Variants in OXSR1 observed in about 807,000 individuals in gnomAD.
OXSR1 encodes serine/threonine-protein kinase OSR1.
A neutral mutation model predicts 79.8 loss-of-function variants in OXSR1; 24 were observed. The ratio of observed to expected loss-of-function variants is 0.30; its 90% confidence interval spans 0.22 to 0.42. The LOEUF (loss-of-function observed/expected upper bound fraction) is 0.42. Ranked by LOEUF, OXSR1 falls within the 10% of genes least tolerant of loss-of-function variation. The pLI, the probability that OXSR1 is intolerant of heterozygous loss-of-function variation, is 1.00. For missense variants in OXSR1, 430 were observed against 618.4 expected (o/e 0.70, Z 3.23); for synonymous variants, 226 against 209.2 (o/e 1.08, Z -0.69).
chr3:38,206,121 CAAG>C (rs1007778243), intron 4 of OXSR1, among the ~76,000 whole-genome samples: 3 of 152,020 alleles, frequency 2.0e-5, no homozygotes, highest in African/African-American at 7.2e-5. Flanking sequence ...AATTTTGACA[CAAG>C]AAACTTTGTA....
chr3:38,166,789 CAAAAAAAAA>C (rs915290107), intron 1 of OXSR1, among the ~76,000 whole-genome samples: 1 of 63,824 alleles, frequency 1.6e-5, no homozygotes, highest in Non-Finnish European at 3.1e-5. Context: ...GACTCTGACT[CAAAAAAAAA>C]AAAAAAAAAA....
chr3:38,248,507 A>G (rs1703191536), intron 14 of OXSR1, among the ~76,000 whole-genome samples: 1 of 152,138 alleles, frequency 6.6e-6, no homozygotes, highest in South Asian at 2.1e-4. Flanking sequence ...TTTTAAAACT[A>G]TTACTAACAT....
intron 2 of OXSR1, among the ~76,000 whole-genome samples, chr3:38,187,857 A>T (rs1171490185): frequency 6.6e-6 from 1 of 152,108 alleles, no homozygotes; most frequent in Admixed American, 6.6e-5. Flanking sequence ...AAGTGCTGGG[A>T]TTATAGGTGT....
chr3:38,177,065 A>G (rs547531128), intron 1 of OXSR1, among the ~76,000 whole-genome samples: 1 of 152,372 alleles, frequency 6.6e-6, no homozygotes, highest in South Asian at 2.1e-4. Flanking sequence ...ATTTGTAAAA[A>G]TATTGCAAAG....
At chr3:38,169,597 G>T (rs1408543244) in intron 1 of OXSR1, among the ~76,000 whole-genome samples, 1 of 151,752 alleles carries the variant, frequency 6.6e-6, no homozygotes, top group Non-Finnish European at 1.5e-5. Context: ...GAGCCACTGC[G>T]CCTGGCTGTT....
chr3:38,199,891 C>T (rs34581388), intron 4 of OXSR1, among the ~76,000 whole-genome samples: 13,019 of 152,196 alleles, frequency 0.086, 724 homozygotes, highest in African/African-American at 0.16. Flanking sequence ...CCACCTGGTG[C>T]CAGTGGGGCT....
At chr3:38,249,753 G>A (rs753532513) in intron 14 of OXSR1, among the ~76,000 whole-genome samples, 4 of 152,108 alleles carry the variant, frequency 2.6e-5, no homozygotes, top group Non-Finnish European at 5.9e-5. Context: ...GATCAGTAAG[G>A]GACATAGATT....
chr3:38,201,593 C>G (rs1450665969), intron 4 of OXSR1, among the ~76,000 whole-genome samples: 1 of 152,096 alleles, frequency 6.6e-6, no homozygotes, highest in Non-Finnish European at 1.5e-5. Context: ...GCCTGTAGTC[C>G]TAGCTACTCA....
intron 4 of OXSR1, among the ~76,000 whole-genome samples, chr3:38,207,254 A>G (rs924546810): frequency 2.0e-5 from 3 of 152,206 alleles, no homozygotes; most frequent in Non-Finnish European, 2.9e-5. Context: ...TAGTTTGCCA[A>G]TCTCTGATTT....
chr3:38,176,104 C>T (rs149775298), intron 1 of OXSR1, among the ~76,000 whole-genome samples: 103 of 152,126 alleles, frequency 6.8e-4, no homozygotes, highest in African/African-American at 2.3e-3. Context: ...ACCTTTTACC[C>T]GTATGTATGA....
chr3:38,223,733 A>G, intron 6 of OXSR1, 79 bp from the exon 7 acceptor site: 3 of 942,548 alleles, frequency 3.2e-6, no homozygotes, highest in Non-Finnish European at 5.0e-6. Flanking sequence ...TACAGGTGTG[A>G]GCCTCCACCC....
rs540612237 is a variant in OXSR1, at chr3:38,174,309, C to T, written c.70+8363C>T. Reference sequence around the variant, plus strand: ...TTTAAAACTCAGGCTGCAGGCTGGGCGAGGTGCCTCACCTGTAATCCCAGC... The same window carrying T: ...TTTAAAACTCAGGCTGCAGGCTGGGTGAGGTGCCTCACCTGTAATCCCAGC... On this transcript the variant is annotated intron_variant, in intron 1 of 17. Transcript: ENST00000311806. Among the ~76,000 whole-genome samples the T allele has an allele frequency of 3.9e-5, 6 of 152,144 alleles. No homozygotes were observed. In the South Asian group the frequency reaches 1.0e-3, roughly 26 times the overall value.
At chr3:38,218,844 A>G (rs907546333) in intron 5 of OXSR1, among the ~76,000 whole-genome samples, 1 of 152,152 alleles carries the variant, frequency 6.6e-6, no homozygotes, top group Non-Finnish European at 1.5e-5. Flanking sequence ...ATTATAATGT[A>G]TTATAATTGC....
chr3:38,210,279 A>G (rs1464232112), intron 4 of OXSR1, among the ~76,000 whole-genome samples: 1 of 152,012 alleles, frequency 6.6e-6, no homozygotes. Flanking sequence ...GTTCCCCCCC[A>G]AGGTGAGACA....
rs1273539462 is a variant in OXSR1 at position 38,254,037 on chromosome 3, CTCA to C, written c.*1148_*1150del. 1 of 396,390 alleles carries C rather than the reference CTCA, an allele frequency of 2.5e-6. No homozygotes were observed. Among genetic ancestry groups the C allele is most frequent in the East Asian group, 3.6e-5 (1 of 28,034 alleles). 24.6% of individuals were successfully genotyped at this position (396,390 alleles called of 1,614,324 possible). On this transcript the variant is annotated 3_prime_UTR_variant, in exon 18 of 18. Coordinates refer to ENST00000311806, the MANE Select transcript of OXSR1 (RefSeq NM_005109.3). ...TATTCTTTAGGTTTAAAAAAGAGCA[CTCA>C]TAATGCAATATGTGAATAATCAGTG...
At chr3:38,208,973 TGTGTGTGTGTGTGC>T (rs1034291958) in intron 4 of OXSR1, among the ~76,000 whole-genome samples, 117 of 148,966 alleles carry the variant, frequency 7.9e-4, no homozygotes, top group African/African-American at 2.8e-3. Context: ...TGTGTGTGTG[TGTGTGTGTGTGTGC>T]GCGCGCGCGT....
chr3:38,198,807 A>G lies in OXSR1; in HGVS notation c.378A>G (p.Ile126Met), dbSNP rs982645009. ...TAGATGAATCTACCATTGCTACGAT[A>G]CTCCGAGAAGTACTGGAAGGGCTGG... is the stretch of plus-strand genomic sequence containing the variant. ...GVLDESTIAT[I>M]LREVLEGLEY... The change falls in exon 4 of 18, where the codon ATA becomes ATG. Residue 126 changes from isoleucine to methionine, a missense_variant. By Grantham distance (10) the Ile-to-Met change is conservative. Transcript: ENST00000311806. 39 of 1,613,454 alleles carry G rather than the reference A, an allele frequency of 2.4e-5. No individual in the cohort carries two copies. Among genetic ancestry groups the G allele is most frequent in the Non-Finnish European group, 3.2e-5 (38 of 1,179,582 alleles).
intron 8 of OXSR1, among the ~76,000 whole-genome samples, chr3:38,227,739 C>T (rs1473672918): frequency 1.3e-5 from 2 of 152,110 alleles, no homozygotes; most frequent in Non-Finnish European, 2.9e-5. Context: ...GAATTCCAAG[C>T]AGTGTCCCCC....
chr3:38,201,259 T>G (rs1215545587), intron 4 of OXSR1, among the ~76,000 whole-genome samples: 1 of 152,062 alleles, frequency 6.6e-6, no homozygotes. Context: ...TATCCTGAGC[T>G]TTTTATATAT....
Sources: gnomAD v4.1 joint callset for allele counts (sites outside exome capture counted in the v4.1 genomes callset) on GRCh38, gnomAD v4.1.1 for gene constraint, MANE v1.5 for transcripts, NCBI Gene and HGNC (gene_info 2026-07-23, HGNC 2026-07-21) for gene names.